Variants in MARCHF10 observed in about 807,000 individuals in gnomAD.
MARCHF10 encodes membrane associated ring-CH-type finger 10, also known as probable E3 ubiquitin-protein ligase MARCHF10.
MARCHF10 carries 64 observed loss-of-function variants against 76.2 expected under a neutral mutation model. The ratio of observed to expected loss-of-function variants is 0.84; its 90% confidence interval spans 0.69 to 1.03. The LOEUF (loss-of-function observed/expected upper bound fraction) is 1.03, where lower values mean the gene tolerates loss of function less well. Among genes scored for constraint, MARCHF10 ranks in the 50% least tolerant of loss-of-function variants. The pLI is 0.00. For missense variants in MARCHF10, 875 were observed against 958.0 expected, an observed-to-expected ratio of 0.91 and a Z score of 1.14; for synonymous variants, 340 against 357.5, an observed-to-expected ratio of 0.95 and a Z score of 0.55.
chr17:62,753,671 A>T (rs1485599576), intron 4 of MARCHF10, among the ~76,000 whole-genome samples: 24 of 152,248 alleles, frequency 1.6e-4, no homozygotes, highest in Non-Finnish European at 1.0e-4. Flanking sequence ...GCTGCCAGGC[A>T]CATCTTTCTT....
intron 4 of MARCHF10, among the ~76,000 whole-genome samples, chr17:62,757,134 T>A (rs973885809): frequency 2.5e-4 from 38 of 152,204 alleles, no homozygotes; most frequent in Middle Eastern, 3.4e-3. Context: ...AGCTATATAT[T>A]TTTTTTTCAG....
chr17:62,796,327 A>G (rs2092984748), intron 2 of MARCHF10, among the ~76,000 whole-genome samples: 1 of 152,168 alleles, frequency 6.6e-6, no homozygotes, highest in Non-Finnish European at 1.5e-5. Flanking sequence ...CACTACTTTA[A>G]ATTCTTTCTG....
At chr17:62,773,031 A>G (rs988655224) in intron 3 of MARCHF10, among the ~76,000 whole-genome samples, 2 of 152,182 alleles carry the variant, frequency 1.3e-5, no homozygotes, top group Non-Finnish European at 2.9e-5. Context: ...TGAAAATATT[A>G]CTCTGAGAAG....
At chr17:62,788,860 A>G (rs943827374) in intron 2 of MARCHF10, among the ~76,000 whole-genome samples, 4 of 151,324 alleles carry the variant, frequency 2.6e-5, no homozygotes, top group Non-Finnish European at 3.0e-5. Flanking sequence ...TCAGGAGATC[A>G]AGACCATCCT....
chr17:62,737,204 C>T lies in MARCHF10; in HGVS notation c.664G>A (p.Asp222Asn). 1 of 1,614,080 alleles carries T rather than the reference C, an allele frequency of 6.2e-7. No homozygotes were observed. The highest frequency in any genetic ancestry group is 8.5e-7 in the Non-Finnish European group (1 of 1,180,028). The change falls in exon 6 of 11, where the codon GAC becomes AAC. Residue 222 changes from aspartate (D) to asparagine (N), a missense_variant. Transcript: ENST00000311269. ...ENAPDRAKKG[D>N]PSAPSQSELH... is the part of the protein sequence containing the mutation. ...TCACTCTGGGAAGGAGCACTCGGGT[C>T]TCCTTTTTTGGCTCTATCAGGGGCG...
chr17:62,771,560 G>T (rs1374056100), intron 3 of MARCHF10, among the ~76,000 whole-genome samples: 1 of 149,292 alleles, frequency 6.7e-6, no homozygotes, highest in Admixed American at 6.8e-5. Context: ...ACTGAGCTCT[G>T]CTTGTCAATA....
intron 5 of MARCHF10, among the ~76,000 whole-genome samples, chr17:62,741,007 C>T (rs748280635): frequency 2.0e-5 from 3 of 152,240 alleles, no homozygotes; most frequent in South Asian, 2.1e-4. Context: ...CTCCATAACC[C>T]GTTATGCATC....
At chr17:62,718,231 G>A (rs1013399098) in intron 8 of MARCHF10, among the ~76,000 whole-genome samples, 4 of 152,156 alleles carry the variant, frequency 2.6e-5, no homozygotes, top group Non-Finnish European at 4.4e-5. Context: ...TCAAGGTCAC[G>A]GGGCCACTCT....
intron 3 of MARCHF10, among the ~76,000 whole-genome samples, chr17:62,786,834 G>A (rs1314583389): frequency 1.3e-5 from 2 of 152,170 alleles, no homozygotes; most frequent in African/African-American, 4.8e-5. Context: ...AAATGGCCGT[G>A]ACTGTGCACG....
chr17:62,766,021 T>C (rs1273137538), intron 3 of MARCHF10, among the ~76,000 whole-genome samples: 1 of 140,486 alleles, frequency 7.1e-6, no homozygotes, highest in Non-Finnish European at 1.6e-5. Flanking sequence ...TAGCGAGACC[T>C]TGTCTCTACA....
chr17:62,719,044 C>T (rs572245628), intron 8 of MARCHF10, among the ~76,000 whole-genome samples: 3 of 152,268 alleles, frequency 2.0e-5, no homozygotes, highest in African/African-American at 7.2e-5. Context: ...TGCCTAGACT[C>T]ACACAAATCA....
chr17:62,725,106 T>C lies in MARCHF10; in HGVS notation c.1938-2A>G, dbSNP rs2090691016. On this transcript the variant is annotated splice_acceptor_variant, in intron 6 of 10. Transcript: ENST00000311269. LOFTEE classifies it high-confidence loss of function. ...TCCTCGGAGTCCTCCTCCAGGAGAC[T>C]AAATGTGAAAACAAGCCCTCGTGAC... The C allele has an allele frequency of 6.3e-7, 1 of 1,578,338 alleles. No homozygotes were observed. The highest frequency in any genetic ancestry group is 2.0e-5 in the Admixed American group (1 of 49,534).
At chr17:62,769,275 G>A (rs1337626605) in intron 3 of MARCHF10, among the ~76,000 whole-genome samples, 2 of 152,154 alleles carry the variant, frequency 1.3e-5, no homozygotes, top group Admixed American at 1.3e-4. Context: ...GGTAATCAGT[G>A]GGATGGTTCT....
intron 3 of MARCHF10, among the ~76,000 whole-genome samples, chr17:62,760,835 T>TG (rs1456517637): frequency 6.6e-6 from 1 of 152,136 alleles, no homozygotes; most frequent in African/African-American, 2.4e-5. Flanking sequence ...TCCCCGACCC[T>TG]GGGGGGTCGT....
chr17:62,786,562 T>C (rs1352735221), intron 3 of MARCHF10, among the ~76,000 whole-genome samples: 1 of 152,130 alleles, frequency 6.6e-6, no homozygotes, highest in Non-Finnish European at 1.5e-5. Flanking sequence ...GTGGGGTGAA[T>C]AATAAAATTA....
chr17:62,750,987 C>G (rs1181046154), intron 4 of MARCHF10, among the ~76,000 whole-genome samples: 1 of 152,134 alleles, frequency 6.6e-6, no homozygotes, highest in Non-Finnish European at 1.5e-5. Context: ...CCTGATCTGG[C>G]CTTTCTGCTG....
At chr17:62,780,679 T>C (rs1245436760) in intron 3 of MARCHF10, among the ~76,000 whole-genome samples, 1 of 152,210 alleles carries the variant, frequency 6.6e-6, no homozygotes, top group Non-Finnish European at 1.5e-5. Context: ...CTTAAAAAAC[T>C]GACAGTGATC....
chr17:62,734,040 T>C (rs1437774450), intron 6 of MARCHF10, among the ~76,000 whole-genome samples: 1 of 151,900 alleles, frequency 6.6e-6, no homozygotes, highest in Non-Finnish European at 1.5e-5. Flanking sequence ...AAAAATTAGC[T>C]GGGCATGGTG....
At chr17:62,768,186 T>C (rs2092376293) in intron 3 of MARCHF10, among the ~76,000 whole-genome samples, 1 of 152,204 alleles carries the variant, frequency 6.6e-6, no homozygotes, top group Non-Finnish European at 1.5e-5. Context: ...TCTTGGTCCC[T>C]TTGTTACAGC....
Sources: allele counts gnomAD v4.1 joint callset (sites outside exome capture counted in the v4.1 genomes callset), GRCh38; gene constraint gnomAD v4.1.1; transcripts MANE v1.5; gene names NCBI Gene and HGNC (gene_info 2026-07-23, HGNC 2026-07-21).